ABCA12: variants seen among roughly 807,000 people sequenced by gnomAD.
ABCA12 encodes the protein ATP binding cassette subfamily A member 12, also known as glucosylceramide transporter ABCA12.
In ABCA12, 156 loss-of-function variants were observed where a neutral mutation model predicts 293.5. That is an observed-to-expected ratio of 0.53 (90% CI 0.47 to 0.61). ABCA12 has a LOEUF of 0.61. Among genes scored for constraint, ABCA12 ranks in the 20% least tolerant of loss-of-function variants. The pLI, the probability that ABCA12 is intolerant of heterozygous loss-of-function variation, is 0.00. For missense variants in ABCA12, 2,797 were observed against 3,090.2 expected (o/e 0.91, Z 2.25); for synonymous variants, 1,063 against 1,108.0 (o/e 0.96, Z 0.81).
chr2:215,131,995 A>C (rs1411051900), intron 1 of ABCA12, among the ~76,000 whole-genome samples: 1 of 151,942 alleles, frequency 6.6e-6, no homozygotes, highest in East Asian at 1.9e-4. Context: ...TTGTTTACAC[A>C]AAAGCTGTTC....
At chr2:214,946,356 T>A (rs1181122366) in intron 48 of ABCA12, among the ~76,000 whole-genome samples, 1 of 152,130 alleles carries the variant, frequency 6.6e-6, no homozygotes, top group Non-Finnish European at 1.5e-5. Flanking sequence ...CTTGGTATCT[T>A]TCATGTCAAT....
At chr2:215,013,002 A>G (rs1295362315) in intron 15 of ABCA12, 1 of 152,210 alleles carries the variant, frequency 6.6e-6, no homozygotes, top group Non-Finnish European at 1.5e-5. Flanking sequence ...GAAACATTGA[A>G]AATGTTTTAA....
intron 20 of ABCA12, among the ~76,000 whole-genome samples, chr2:215,002,120 T>C (rs1700158756): frequency 6.6e-6 from 1 of 152,214 alleles, no homozygotes; most frequent in Non-Finnish European, 1.5e-5. Flanking sequence ...AATGCCTGCT[T>C]TGTACACGGA....
intron 45 of ABCA12, among the ~76,000 whole-genome samples, chr2:214,950,179 G>A (rs1204827480): frequency 6.6e-6 from 1 of 151,946 alleles, no homozygotes; most frequent in African/African-American, 2.4e-5. Context: ...ATATACAGTG[G>A]GATGTGCATA....
chr2:215,133,376 C>T (rs1703106293), intron 1 of ABCA12, among the ~76,000 whole-genome samples: 1 of 151,630 alleles, frequency 6.6e-6, no homozygotes, highest in Non-Finnish European at 1.5e-5. Flanking sequence ...TTTACTTTTT[C>T]TCCTTCTCTA....
At chr2:214,950,159 G>C (rs1474385288) in intron 45 of ABCA12, among the ~76,000 whole-genome samples, 1 of 152,054 alleles carries the variant, frequency 6.6e-6, no homozygotes, top group African/African-American at 2.4e-5. Flanking sequence ...GTAATCTAGA[G>C]ATGATTTAAA....
rs749915602 is a variant in ABCA12, at chr2:215,053,721, TC to T, written c.409+851del. ...ATATCCCATGGCCTTTTAAAGAAAC[TC>T]CCTTTTTATCCAGAGCACCAATCAT... On this transcript the variant is annotated intron_variant, in intron 4 of 52. Transcript: ENST00000272895. Among the ~76,000 whole-genome samples the T allele has an allele frequency of 1.8e-3, 270 of 152,006 alleles. 1 individual carries two copies. The highest frequency in any genetic ancestry group is 6.8e-3 in the Middle Eastern group (2 of 294).
rs1701596621 is a variant in ABCA12, at chr2:215,064,325, C to T, written c.164-106G>A. ...GAAGTTAACCTCCTGGATTACCACT[C>T]TCCGGGTCCCCCAACTGAGCCCCAA... is the stretch of plus-strand genomic sequence containing the variant. On this transcript the variant is annotated intron_variant, in intron 2 of 52. Coordinates refer to ENST00000272895, the MANE Select transcript of ABCA12 (RefSeq NM_173076.3). 6 of 1,202,776 alleles carry T rather than the reference C, an allele frequency of 5.0e-6. No individual in the cohort carries two copies. The Admixed American group carries it at 1.2e-4, about 23-fold the overall frequency. 74.5% of individuals were successfully genotyped at this position (1,202,776 alleles called of 1,614,324 possible). A position where few individuals can be genotyped will look rare whatever the true frequency, so the allele number is the denominator to read the frequency against.
rs188946828 is a variant in ABCA12, at chr2:215,003,661, A to T, written c.2683+548T>A. ...AACTGCATTTATATTACATTATTAT[A>T]ATAATAATAATTTTTTTTTTTTTGA... On this transcript the variant is annotated intron_variant, in intron 20 of 52. Coordinates refer to ENST00000272895, the MANE Select transcript of ABCA12 (RefSeq NM_173076.3). Among the ~76,000 whole-genome samples the T allele has an allele frequency of 1.6e-3, 145 of 89,738 alleles. 1 individual carries two copies. The highest frequency in any genetic ancestry group is 0.012 in the East Asian group (36 of 3,068). 58.9% of individuals were successfully genotyped at this position (89,738 alleles called of 152,430 possible).
chr2:214,944,964 CTG>C (rs1313353236), intron 49 of ABCA12, 35 bp downstream of exon 49: 1 of 1,557,420 alleles, frequency 6.4e-7, no homozygotes, highest in Admixed American at 1.7e-5. Context: ...CATCCTAAGA[CTG>C]TGTGGATTCG....
At chr2:215,076,651 G>GA (rs1193765026) in intron 2 of ABCA12, among the ~76,000 whole-genome samples, 1 of 152,088 alleles carries the variant, frequency 6.6e-6, no homozygotes, top group African/African-American at 2.4e-5. Flanking sequence ...AGGTACTCTA[G>GA]AAAAACACAC....
chr2:215,065,851 T>A (rs1400245342), intron 2 of ABCA12, among the ~76,000 whole-genome samples: 1 of 152,052 alleles, frequency 6.6e-6, no homozygotes, highest in African/African-American at 2.4e-5. Context: ...AAAAATAGTT[T>A]AAAAATTAAT....
At position 215,046,063 on chromosome 2, in the gene ABCA12, G is replaced by A. The variant is rs10167501; in HGVS notation, c.694-48C>T. 57,877 of 1,574,896 alleles carry A rather than the reference G, an allele frequency of 0.037. 8,936 individuals carry two copies. The African/African-American group carries it at 0.48, about 13-fold the overall frequency. On this transcript the variant is annotated intron_variant, in intron 6 of 52. Coordinates refer to ENST00000272895, the MANE Select transcript of ABCA12 (RefSeq NM_173076.3). Reference sequence around the variant, plus strand: ...AGAGCAAAATGAGACTTTAACATTTGTAATCACATGGTTTGCTGTTTTTAA... The same window carrying A: ...AGAGCAAAATGAGACTTTAACATTTATAATCACATGGTTTGCTGTTTTTAA...
rs540418888 is a variant in ABCA12, at chr2:214,954,550, G to A, written c.6394-443C>T. Among the ~76,000 whole-genome samples, 6 of 152,284 alleles carry A rather than the reference G, an allele frequency of 3.9e-5. No individual in the cohort carries two copies. The East Asian group carries it at 7.7e-4, about 20-fold the overall frequency. On this transcript the variant is annotated intron_variant, in intron 43 of 52. Coordinates refer to ENST00000272895, the MANE Select transcript of ABCA12 (RefSeq NM_173076.3). ...GGTAGAAGAAGAGCCAACATGTCTCGAAGAGGGACAAATAGCTCATTTTCA... is the reference window on the plus strand; with the variant it reads ...GGTAGAAGAAGAGCCAACATGTCTCAAAGAGGGACAAATAGCTCATTTTCA...
At chr2:214,957,866 T>C (rs917015133) in intron 41 of ABCA12, among the ~76,000 whole-genome samples, 2 of 152,230 alleles carry the variant, frequency 1.3e-5, no homozygotes, top group African/African-American at 2.4e-5. Context: ...ATAAGCTTGA[T>C]TGTTTGGCAC....
At chr2:214,959,979 A>C (rs1699069390) in intron 39 of ABCA12, among the ~76,000 whole-genome samples, 1 of 152,176 alleles carries the variant, frequency 6.6e-6, no homozygotes, top group African/African-American at 2.4e-5. Flanking sequence ...GTCATAAACT[A>C]AGTGAGAGCT....
chr2:215,067,426 T>C (rs2140471), intron 2 of ABCA12, among the ~76,000 whole-genome samples: 152,099 of 152,254 alleles, frequency 1, 75,973 homozygotes, highest in Middle Eastern at 1. Context: ...ATGGCAGCCC[T>C]ATACAAGTAA....
intron 3 of ABCA12, among the ~76,000 whole-genome samples, chr2:215,055,811 G>A (rs943152210): frequency 6.6e-6 from 1 of 151,958 alleles, no homozygotes; most frequent in African/African-American, 2.4e-5. Flanking sequence ...ATATATATTT[G>A]AATTATTCAT....
chr2:214,988,905 A>G (rs1428660827), intron 26 of ABCA12, among the ~76,000 whole-genome samples: 1 of 151,498 alleles, frequency 6.6e-6, no homozygotes. Context: ...AAGGCCGGGC[A>G]TGGTGGCTCT....
Sources: allele counts gnomAD v4.1 joint callset (sites outside exome capture counted in the v4.1 genomes callset), GRCh38; gene constraint gnomAD v4.1.1; transcripts MANE v1.5; gene names NCBI Gene and HGNC (gene_info 2026-07-23, HGNC 2026-07-21).